MYH9: variants seen among roughly 807,000 people sequenced by gnomAD.
MYH9 encodes myosin heavy chain 9, also known as myosin-9.
MYH9 carries 29 observed loss-of-function variants against 241.9 expected under a neutral mutation model. The ratio of observed to expected loss-of-function variants is 0.12; its 90% CI spans 0.09 to 0.16. MYH9 has a LOEUF of 0.16. MYH9 is among the 10% of genes least tolerant of loss of function. The pLI is 1.00. For synonymous variants in MYH9, 1,047 were observed against 1,062.6 expected (o/e 0.99, Z 0.29); for missense variants, 1,803 against 2,595.5 (o/e 0.69, Z 6.63).
chr22:36,352,015 C>T (rs1876803449), intron 1 of MYH9, among the ~76,000 whole-genome samples: 1 of 152,184 alleles, frequency 6.6e-6, no homozygotes, highest in South Asian at 2.1e-4. Context: ...AACTAGGAAA[C>T]AGACTCAGAA....
chr22:36,301,503 C>T lies in MYH9; in HGVS notation c.2631+31G>A, dbSNP rs200613952. The T allele has an allele frequency of 4.3e-5, 69 of 1,611,200 alleles. No homozygotes were observed. The Admixed American group carries it at 6.3e-4, about 15-fold the overall frequency. ...AGGTGGCAGCACCAGGCAGGTCGTG[C>T]GACCTGGACTGAGCCTGCACTGACA... On this transcript the variant is annotated intron_variant, in intron 21 of 40. Coordinates refer to ENST00000216181, the MANE Select transcript of MYH9 (RefSeq NM_002473.6).
Position 36,304,133 on chromosome 22 carries a change from C to T in MYH9, c.2252G>A (p.Ser751Asn), listed in dbSNP as rs2016932577. The change falls in exon 19 of 41, where the codon AGC becomes AAC. Residue 751 changes from serine (S) to asparagine (N), a missense_variant. Ser to Asn is a conservative substitution (Grantham distance 46, BLOSUM62 1). Coordinates refer to ENST00000216181, the MANE Select transcript of MYH9 (RefSeq NM_002473.6). Reference sequence around the variant, plus strand: ...GCTCTGGCCAATGCGGTACAGATTGCTGTCGAGCTCCAGGGCTTTTATCTA... The same window carrying T: ...GCTCTGGCCAATGCGGTACAGATTGTTGTCGAGCTCCAGGGCTTTTATCTA... ...VLMIKALELD[S>N]NLYRIGQSKV... 2 of 1,613,566 alleles carry T rather than the reference C, an allele frequency of 1.2e-6. No homozygotes were observed. The highest frequency in any genetic ancestry group is 1.7e-6 in the Non-Finnish European group (2 of 1,180,026).
chr22:36,309,564 G>A (rs567864827), intron 14 of MYH9, among the ~76,000 whole-genome samples, 168 bp from the exon 15 acceptor site: 6 of 152,210 alleles, frequency 3.9e-5, no homozygotes, highest in African/African-American at 9.6e-5. Flanking sequence ...TAAGGGGAGC[G>A]AGGCATCAAG....
chr22:36,302,572 G>A lies in MYH9; in HGVS notation c.2495C>T (p.Thr832Ile). 6.2e-7 allele frequency: 1 copy of A among 1,612,842 alleles called. No individual in the cohort carries two copies. Among genetic ancestry groups the A allele is most frequent in the Non-Finnish European group, 8.5e-7 (1 of 1,179,790 alleles). ...LRNWQWWRLF[T>I]KVKPLLQVSR... is the part of the protein sequence containing the mutation. ...GGAGGCCCTTCTAGCACGCACCTTG[G>A]TGAAGAGCCGCCACCACTGCCAGTT... Residue 832 changes from threonine to isoleucine, a missense_variant, in exon 20 of 41, where the codon ACC becomes ATC. By Grantham distance (89) the Thr-to-Ile change is moderately conservative. Transcript: ENST00000216181.
Position 36,288,807 on chromosome 22 carries a change from C to A in MYH9, c.4690G>T (p.Ala1564Ser). 1 of 1,613,274 alleles carries A rather than the reference C, an allele frequency of 6.2e-7. No individual in the cohort carries two copies. The highest frequency in any genetic ancestry group is 8.5e-7 in the Non-Finnish European group (1 of 1,180,004). The part of the protein sequence containing the change: ...AKLRLEVNLQ[A>S]MKAQFERDLQ... ...TCCCGCTCGAACTGGGCCTTCATGG[C>A]CTGCAGGTTGACCTCCAACCGCAGC... The change falls in exon 33 of 41, where the codon GCC becomes TCC. Residue 1564 changes from alanine (A) to serine (S), a missense_variant. Around this residue, in one of 11 missense-constraint regions of MYH9, gnomAD observed 876 missense variants for 1,077.8 expected, o/e 0.81. Transcript: ENST00000216181. The surrounding 1 kb of genome is among the most constrained non-coding windows in gnomAD (Gnocchi z 4.8).
chr22:36,348,189 A>G (rs987294571), intron 2 of MYH9, among the ~76,000 whole-genome samples: 1 of 150,184 alleles, frequency 6.7e-6, no homozygotes, highest in Non-Finnish European at 1.5e-5. Context: ...AAGATTTTTT[A>G]AAGATATTAT....
At chr22:36,373,399 G>A (rs1238094695) in intron 1 of MYH9, among the ~76,000 whole-genome samples, 1 of 152,216 alleles carries the variant, frequency 6.6e-6, no homozygotes, top group Admixed American at 6.5e-5. Context: ...TTCTGGCCAG[G>A]GGCCTTGGAA....
At chr22:36,294,813 G>A (rs1868984102) in intron 27 of MYH9, 119 bp downstream of exon 27, 2 of 1,392,676 alleles carry the variant, frequency 1.4e-6, no homozygotes, top group Admixed American at 1.7e-5. Context: ...GGGGAGCCTG[G>A]CCTCAGAACC....
At chr22:36,289,763 C>G (rs969379702) in intron 31 of MYH9, among the ~76,000 whole-genome samples, 1 of 152,180 alleles carries the variant, frequency 6.6e-6, no homozygotes, top group African/African-American at 2.4e-5. Flanking sequence ...GTGCACCCAC[C>G]TGGCTCTATC....
chr22:36,361,813 T>A (rs924221591), intron 1 of MYH9, among the ~76,000 whole-genome samples: 1 of 152,234 alleles, frequency 6.6e-6, no homozygotes, highest in African/African-American at 2.4e-5. Flanking sequence ...GGCTCACGCC[T>A]GTAATCCCAA....
rs757396174 is a variant in MYH9 at position 36,306,027 on chromosome 22, C to T, written c.2062G>A (p.Val688Met). ...KKAGKLDPHL[V>M]LDQLRCNGVL... is the part of the protein sequence containing the mutation. ...CCGTTGCAGCGCAGCTGGTCCAGCACGAGATGCGGGTCCAGCTTGCCGGCC... is the reference window on the plus strand; with the variant it reads ...CCGTTGCAGCGCAGCTGGTCCAGCATGAGATGCGGGTCCAGCTTGCCGGCC... The change falls in exon 17 of 41, where the codon GTG becomes ATG. Residue 688 changes from valine to methionine, a missense_variant. This residue lies in a region of MYH9 where 163 missense variants were observed against 349.7 expected (regional missense o/e 0.47). Coordinates refer to ENST00000216181, the MANE Select transcript of MYH9 (RefSeq NM_002473.6). The surrounding 1 kb of genome is among the most constrained non-coding windows in gnomAD (Gnocchi z 4.1). 9.9e-6 allele frequency: 16 copies of T among 1,613,160 alleles called. No homozygotes were observed. The highest frequency in any genetic ancestry group is 4.5e-5 in the East Asian group (2 of 44,896).
chr22:36,339,069 C>T (rs2017544235), intron 3 of MYH9, among the ~76,000 whole-genome samples: 1 of 152,160 alleles, frequency 6.6e-6, no homozygotes, highest in Admixed American at 6.5e-5. Context: ...CAGGCCACCA[C>T]CAAATTTTTG....
chr22:36,360,034 C>CACT (rs2017913639), intron 1 of MYH9, among the ~76,000 whole-genome samples: 1 of 129,044 alleles, frequency 7.7e-6, no homozygotes, highest in African/African-American at 2.9e-5. Context: ...GGACAAACAC[C>CACT]ACCACCACCA....
At chr22:36,319,729 C>T in intron 9 of MYH9, 94 bp from the exon 10 acceptor site, 2 of 1,259,456 alleles carry the variant, frequency 1.6e-6, no homozygotes, top group East Asian at 2.5e-5. Flanking sequence ...TCAAGCCAGA[C>T]AAGCCAAGCA....
rs113326990 is a variant in MYH9 at position 36,285,657 on chromosome 22, C to T, written c.5274+1G>A. The T allele has an allele frequency of 1.2e-6, 2 of 1,612,178 alleles. No individual in the cohort carries two copies. The highest frequency in any genetic ancestry group is 1.7e-6 in the Non-Finnish European group (2 of 1,180,022). ...AGAGTGGGAGAAGTCCTGGCACCCACCTGCAGGTTGGCCTTCTTCAGCCGG... is the reference window on the plus strand; with the variant it reads ...AGAGTGGGAGAAGTCCTGGCACCCATCTGCAGGTTGGCCTTCTTCAGCCGG... On this transcript the variant is annotated splice_donor_variant, in intron 37 of 40. Transcript: ENST00000216181. LOFTEE classifies it high-confidence loss of function. This position sits in a 1 kb window ranked among gnomAD's most constrained non-coding sequence, Gnocchi z 7.0.
chr22:36,337,744 A>G (rs2017521152), intron 3 of MYH9, among the ~76,000 whole-genome samples: 1 of 152,236 alleles, frequency 6.6e-6, no homozygotes. Context: ...CCAGGGGGGC[A>G]GCATGCACTA....
rs759346315 is a variant in MYH9, at chr22:36,300,830, C to T, written c.2838+21G>A. ...CCTGCCCCTCCGGCGCCACCCCTCC[C>T]CGGGTGCAGCGGGCAGGAACCTGGA... is the stretch of plus-strand genomic sequence containing the variant. On this transcript the variant is annotated intron_variant, in intron 22 of 40. Coordinates refer to ENST00000216181, the MANE Select transcript of MYH9 (RefSeq NM_002473.6). The surrounding 1 kb of genome is among the most constrained non-coding windows in gnomAD (Gnocchi z 5.0). 6.3e-7 allele frequency: 1 copy of T among 1,599,396 alleles called. No individual in the cohort carries two copies. The highest frequency in any genetic ancestry group is 8.5e-7 in the Non-Finnish European group (1 of 1,179,894).
chr22:36,345,035 G>A (rs992844078), intron 2 of MYH9, among the ~76,000 whole-genome samples: 4 of 152,172 alleles, frequency 2.6e-5, no homozygotes, highest in Admixed American at 6.5e-5. Flanking sequence ...CATGGATGCC[G>A]GGTGTGGTGG....
chr22:36,290,026 C>T (rs904661562), intron 31 of MYH9, among the ~76,000 whole-genome samples: 2 of 152,116 alleles, frequency 1.3e-5, no homozygotes, highest in Non-Finnish European at 2.9e-5. Flanking sequence ...GTTGGCTGCC[C>T]GATGTCTTCT....
Sources: allele counts gnomAD v4.1 joint callset (sites outside exome capture counted in the v4.1 genomes callset), GRCh38; gene constraint gnomAD v4.1.1; regional missense constraint gnomAD v4.1.1; non-coding constraint Gnocchi (gnomAD v3.1); transcripts MANE v1.5; gene names NCBI Gene and HGNC (gene_info 2026-07-23, HGNC 2026-07-21).